The following OPCML variants were observed in gnomAD, a reference collection of about 807,000 sequenced individuals.
OPCML encodes opioid binding protein/cell adhesion molecule like, also known as opioid-binding protein/cell adhesion molecule.
In OPCML, 13 loss-of-function variants were observed where a neutral mutation model predicts 37.8. The observed-to-expected ratio is 0.34, with a 90% CI of 0.22 to 0.55. OPCML has a LOEUF of 0.55. OPCML is among the 20% of genes least tolerant of loss of function. The pLI is 0.91. For synonymous variants in OPCML, 176 were observed against 168.8 expected, an observed-to-expected ratio of 1.04 and a Z score of -0.33; for missense variants, 341 against 435.6, an observed-to-expected ratio of 0.78 and a Z score of 1.93.
chr11:133,109,236 A>T (rs1187029652), intron 1 of OPCML, among the ~76,000 whole-genome samples: 1 of 152,150 alleles, frequency 6.6e-6, no homozygotes, highest in Non-Finnish European at 1.5e-5. Context: ...TGGGTGTTAC[A>T]GCTCTTAAAT....
chr11:132,710,873 GA>G (rs923020555), intron 2 of OPCML, among the ~76,000 whole-genome samples: 3 of 151,606 alleles, frequency 2.0e-5, no homozygotes, highest in African/African-American at 7.3e-5. Context: ...AAGAAAGAAA[GA>G]AAAAGGAAAA....
chr11:133,386,506 C>G (rs1319537218), intron 1 of OPCML, among the ~76,000 whole-genome samples: 1 of 152,168 alleles, frequency 6.6e-6, no homozygotes, highest in Non-Finnish European at 1.5e-5. Flanking sequence ...ACAAGCGCTC[C>G]CCTCCTACTC....
chr11:132,844,092 TG>T, intron 2 of OPCML, among the ~76,000 whole-genome samples: 1 of 152,336 alleles, frequency 6.6e-6, no homozygotes, highest in East Asian at 1.9e-4. Context: ...GCTCTCTTTT[TG>T]CCTGCTGCTA....
chr11:133,258,135 C>T (rs1022476281), intron 1 of OPCML, among the ~76,000 whole-genome samples: 4 of 152,168 alleles, frequency 2.6e-5, no homozygotes, highest in African/African-American at 9.6e-5. Context: ...CTGGGGTCCC[C>T]TTGCCTTAGC....
intron 2 of OPCML, among the ~76,000 whole-genome samples, chr11:132,910,426 G>C (rs1944391005): frequency 6.6e-6 from 1 of 152,224 alleles, no homozygotes; most frequent in Non-Finnish European, 1.5e-5. Context: ...TACCGCAAGA[G>C]GCAGAGCTGA....
chr11:133,439,474 T>G (rs1946314097), intron 1 of OPCML: 1 of 983,366 alleles, frequency 1.0e-6, no homozygotes, highest in Non-Finnish European at 1.2e-6. Context: ...GTTTTTGTTT[T>G]TTTTCTTTTT....
chr11:132,858,785 A>C (rs1591712548), intron 2 of OPCML, among the ~76,000 whole-genome samples: 1 of 152,244 alleles, frequency 6.6e-6, no homozygotes, highest in African/African-American at 2.4e-5. Context: ...CGTTATTATG[A>C]ATAAATCTAA....
chr11:132,589,904 A>G (rs1214909870), intron 3 of OPCML, among the ~76,000 whole-genome samples: 2 of 152,322 alleles, frequency 1.3e-5, no homozygotes, highest in Non-Finnish European at 1.5e-5. Context: ...TAAGCATCAT[A>G]TGCTGTTTCT....
chr11:133,310,870 T>C (rs1349427187), intron 1 of OPCML, among the ~76,000 whole-genome samples: 3 of 152,192 alleles, frequency 2.0e-5, no homozygotes, highest in Non-Finnish European at 2.9e-5. Flanking sequence ...GCTATGCAAA[T>C]ATTCTGCTAA....
intron 1 of OPCML, among the ~76,000 whole-genome samples, chr11:133,494,734 C>T (rs182490903): frequency 8.2e-5 from 4 of 48,582 alleles, no homozygotes; most frequent in East Asian, 4.7e-4. Flanking sequence ...GGCGGGGGGA[C>T]GGGGGAGGGA....
At chr11:133,408,619 C>A (rs979197269) in intron 1 of OPCML, among the ~76,000 whole-genome samples, 1 of 152,118 alleles carries the variant, frequency 6.6e-6, no homozygotes, top group African/African-American at 2.4e-5. Context: ...CGACACCACC[C>A]AGAGGCAGGG....
At chr11:133,392,384 T>C (rs1019808005) in intron 1 of OPCML, among the ~76,000 whole-genome samples, 1 of 152,158 alleles carries the variant, frequency 6.6e-6, no homozygotes, top group Non-Finnish European at 1.5e-5. Flanking sequence ...CAAACTGCCG[T>C]ATTAGCAAGA....
Position 132,436,103 on chromosome 11 carries a change from G to T in OPCML, c.899C>A (p.Ala300Asp), listed in dbSNP as rs1290133739. ...VATNKLGNTN[A>D]SITLYGPGAV... ...GCACTCACCATACAATGTGATGCTG[G>T]CATTGGTGTTCCCAAGCTTGTTCGT... is the stretch of plus-strand genomic sequence containing the variant. Residue 300 changes from alanine (A) to aspartate (D), a missense_variant, in exon 7 of 8, where the codon GCC becomes GAC. Transcript: ENST00000524381. 6.2e-7 allele frequency: 1 copy of T among 1,614,052 alleles called. No individual in the cohort carries two copies. The highest frequency in any genetic ancestry group is 2.2e-5 in the East Asian group (1 of 44,878).
intron 3 of OPCML, among the ~76,000 whole-genome samples, chr11:132,569,303 GAGA>G (rs1403511483): frequency 6.6e-6 from 1 of 152,200 alleles, no homozygotes; most frequent in Admixed American, 6.5e-5. Flanking sequence ...GAGGCGCAGG[GAGA>G]AGATGGCCAT....
rs561345561 is a variant in OPCML at position 132,849,659 on chromosome 11, T to C, written c.146+93267A>G. The stretch of plus-strand genomic sequence containing the variant: ...CTGGCTAAAATCAGGCATTAAGCCA[T>C]GCAACTATCTTGAGGAACAGTGCTC... On this transcript the variant is annotated intron_variant, in intron 2 of 7. Coordinates refer to ENST00000524381, the MANE Select transcript of OPCML (RefSeq NM_001012393.5). 2.1e-5 allele frequency among the ~76,000 whole-genome samples: 3 copies of C among 144,542 alleles called. No homozygotes were observed. The South Asian group carries it at 6.4e-4, about 31-fold the overall frequency. 94.8% of individuals were successfully genotyped at this position (144,542 alleles called of 152,430 possible). A position where few individuals can be genotyped will look rare whatever the true frequency, so the allele number is the denominator to read the frequency against.
At chr11:132,675,306 CA>C (rs1028108873) in intron 2 of OPCML, among the ~76,000 whole-genome samples, 1 of 151,568 alleles carries the variant, frequency 6.6e-6, no homozygotes, top group African/African-American at 2.4e-5. Flanking sequence ...CTTTTATTTA[CA>C]AAAATCTTGG....
At chr11:133,472,384 C>G (rs1232994949) in intron 1 of OPCML, among the ~76,000 whole-genome samples, 1 of 152,154 alleles carries the variant, frequency 6.6e-6, no homozygotes, top group African/African-American at 2.4e-5. Flanking sequence ...CAGTCAGGCA[C>G]AAGAAAGTCC....
intron 1 of OPCML, among the ~76,000 whole-genome samples, chr11:133,524,023 T>C (rs1257240903): frequency 6.6e-6 from 1 of 152,188 alleles, no homozygotes; most frequent in Non-Finnish European, 1.5e-5. Context: ...CATGTCTGTC[T>C]CTCCCTCTGG....
At chr11:133,101,549 C>T (rs1444098935) in intron 1 of OPCML, among the ~76,000 whole-genome samples, 1 of 152,040 alleles carries the variant, frequency 6.6e-6, no homozygotes, top group African/African-American at 2.4e-5. Flanking sequence ...GACAAAAATC[C>T]AAACACTGAC....
Sources: allele counts gnomAD v4.1 joint callset (sites outside exome capture counted in the v4.1 genomes callset), GRCh38; gene constraint gnomAD v4.1.1; transcripts MANE v1.5; gene names NCBI Gene and HGNC (gene_info 2026-07-23, HGNC 2026-07-21).